Variants in TPCN1 observed in about 807,000 individuals in gnomAD.
The protein encoded by TPCN1 is two pore channel protein 1.
TPCN1 carries 52 observed loss-of-function variants against 108.8 expected under a neutral mutation model. The observed-to-expected ratio is 0.48, with a 90% CI of 0.38 to 0.60. TPCN1 has a LOEUF of 0.60. Ranked by LOEUF, TPCN1 falls within the 20% of genes least tolerant of loss-of-function variation. TPCN1 has a pLI of 0.00. For synonymous variants in TPCN1, 446 were observed against 433.7 expected (o/e 1.03, Z -0.35); for missense variants, 806 against 1,072.8 (o/e 0.75, Z 3.47).
In TPCN1 at chr12:113,293,332, T is replaced by C. The variant is rs1341780281; in HGVS notation, c.2317T>C (p.Tyr773His). The C allele has an allele frequency of 6.2e-7, 1 of 1,614,042 alleles. No individual in the cohort carries two copies. The highest frequency in any genetic ancestry group is 8.5e-7 in the Non-Finnish European group (1 of 1,180,020). The change falls in exon 27 of 28, where the codon TAC (tyrosine) becomes CAC (histidine). Residue 773 changes from tyrosine (Y) to histidine (H), a missense_variant. By Grantham distance (83) the Tyr-to-His change is moderately conservative (BLOSUM62 2). Coordinates refer to ENST00000335509, the MANE Select transcript of TPCN1 (RefSeq NM_017901.6). ...RTKSDLSLKM[Y>H]QEEIQEWYEE... is the part of the protein sequence containing the mutation. ...CAAGAGCGACCTGAGCCTGAAGATG[T>C]ACCAGGAGGAGATCCAGGTAGGAGC...
chr12:113,292,848 C>A, intron 25 of TPCN1, 86 bp from the exon 26 acceptor site: 1 of 1,477,718 alleles, frequency 6.8e-7, no homozygotes, highest in Non-Finnish European at 9.1e-7. Context: ...AGACCCCCTG[C>A]GGAAGGGGGC....
chr12:113,226,497 G>A (rs1381988063), intron 1 of TPCN1, among the ~76,000 whole-genome samples: 2 of 152,026 alleles, frequency 1.3e-5, no homozygotes, highest in Admixed American at 6.5e-5. Context: ...GGCCAGGCTG[G>A]TCTTGAACTC....
Position 113,244,427 on chromosome 12 carries a change from G to A in TPCN1, c.113-15941G>A, listed in dbSNP as rs374364528. The A allele has an allele frequency of 6.0e-4, 593 of 985,440 alleles. 11 individuals carry two copies. In the South Asian group the frequency reaches 0.025, roughly 41 times the overall value. 61.0% of individuals were successfully genotyped at this position (985,440 alleles called of 1,614,324 possible). A position where few individuals can be genotyped will look rare whatever the true frequency, so the allele number is the denominator to read the frequency against. On this transcript the variant is annotated intron_variant, in intron 2 of 27. Coordinates refer to ENST00000335509, the MANE Select transcript of TPCN1 (RefSeq NM_017901.6). ...TTTACTAACGTGTGTCAATAATGCG[G>A]GTCCACCTTCCATACCATCTTGCAA...
Position 113,296,235 on chromosome 12 carries a change from C to T in TPCN1, c.*159C>T. 8.3e-7 allele frequency: 1 copy of T among 1,202,686 alleles called. No individual in the cohort carries two copies. The highest frequency in any genetic ancestry group is 2.7e-5 in the Admixed American group (1 of 37,048). The allele number at this position is 1,202,686 out of a possible 1,614,324, so 74.5% of individuals were successfully genotyped here. A position where few individuals can be genotyped will look rare whatever the true frequency, so the allele number is the denominator to read the frequency against. ...CAAGATGGGGCTTGGTTTATAACCA[C>T]CTTGCCCTGTCTTCCTTAACTCCAG... is the stretch of plus-strand genomic sequence containing the variant. On this transcript the variant is annotated 3_prime_UTR_variant, in exon 28 of 28. Coordinates refer to ENST00000335509, the MANE Select transcript of TPCN1 (RefSeq NM_017901.6).
chr12:113,248,839 C>T (rs1233586264), intron 2 of TPCN1, among the ~76,000 whole-genome samples: 2 of 152,238 alleles, frequency 1.3e-5, no homozygotes, highest in East Asian at 1.9e-4. Context: ...CGCACACACA[C>T]GATAGAGGAT....
chr12:113,281,169 T>C (rs1216545533), intron 15 of TPCN1, among the ~76,000 whole-genome samples: 1 of 152,128 alleles, frequency 6.6e-6, no homozygotes, highest in African/African-American at 2.4e-5. Context: ...CTCACCTGAG[T>C]AGCTGGGATT....
At chr12:113,293,184 A>G in intron 26 of TPCN1, 85 bp from the exon 27 acceptor site, 2 of 1,604,626 alleles carry the variant, frequency 1.2e-6, no homozygotes, top group Non-Finnish European at 1.7e-6. Flanking sequence ...TGCAAAAGCC[A>G]GAGAAGTGGG....
At chr12:113,279,550 C>A (rs1426758018) in intron 14 of TPCN1, among the ~76,000 whole-genome samples, 4 of 150,446 alleles carry the variant, frequency 2.7e-5, no homozygotes, top group African/African-American at 9.8e-5. Flanking sequence ...AGGCATGTGC[C>A]ACCATGCCCG....
Position 113,286,039 on chromosome 12 carries a change from C to T in TPCN1, c.1526+78C>T, listed in dbSNP as rs548449917. On this transcript the variant is annotated intron_variant, in intron 18 of 27. Transcript: ENST00000335509. ...CAGACCCTTCTCTGCACACCCTGAT[C>T]CCGGGCCATTTCTGGAATCGCAGAG... 99 of 1,298,564 alleles carry T rather than the reference C, an allele frequency of 7.6e-5. 1 individual carries two copies. In the South Asian group the frequency reaches 1.1e-3, roughly 15 times the overall value. The allele number at this position is 1,298,564 out of a possible 1,614,324, so 80.4% of individuals were successfully genotyped here.
Position 113,295,948 on chromosome 12 carries a change from T to C in TPCN1, c.2335-12T>C. ...GTGCAGCCCTCAGCACCCCTTCTGC[T>C]CTCTTCTCCAGGAGTGGTATGAGGA... is the stretch of plus-strand genomic sequence containing the variant. On this transcript the variant is annotated splice_polypyrimidine_tract_variant and intron_variant, in intron 27 of 27. Coordinates refer to ENST00000335509, the MANE Select transcript of TPCN1 (RefSeq NM_017901.6). 1.3e-6 allele frequency: 2 copies of C among 1,582,480 alleles called. No homozygotes were observed. Among genetic ancestry groups the C allele is most frequent in the Non-Finnish European group, 1.7e-6 (2 of 1,164,878 alleles).
chr12:113,292,030 G>A, intron 25 of TPCN1, 72 bp downstream of exon 25: 1 of 1,355,768 alleles, frequency 7.4e-7, no homozygotes, highest in South Asian at 1.2e-5. Flanking sequence ...TGTCTGGGTG[G>A]CTGTCCAGCC....
rs569079960 is a variant in TPCN1 at position 113,269,015 on chromosome 12, G to T, written c.659+143G>T. 5 of 964,708 alleles carry T rather than the reference G, an allele frequency of 5.2e-6. 1 individual carries two copies. In the South Asian group the frequency reaches 7.7e-5, roughly 15 times the overall value. The allele number at this position is 964,708 out of a possible 1,614,324, so 59.8% of individuals were successfully genotyped here. ...GTACACGCAGACTCACTCTCCCTCT[G>T]CCATTCCATCCACGCACAGGAGAAA... On this transcript the variant is annotated intron_variant, in intron 6 of 27. Transcript: ENST00000335509. The surrounding 1 kb of genome is among the most constrained non-coding windows in gnomAD (Gnocchi z 5.0).
rs182303309 is a variant in TPCN1, at chr12:113,231,071, G to A, written c.112+4107G>A. On this transcript the variant is annotated intron_variant, in intron 2 of 27. Coordinates refer to ENST00000335509, the MANE Select transcript of TPCN1 (RefSeq NM_017901.6). This position sits in a 1 kb window ranked among gnomAD's most constrained non-coding sequence, Gnocchi z 4.3. ...GCAGGCCATCCGCGGAGTTGGCAAC[G>A]ACATGAGCATGGGCTACTGGGAACG... 4.6e-5 allele frequency among the ~76,000 whole-genome samples: 7 copies of A among 152,346 alleles called. No homozygotes were observed. Among genetic ancestry groups the A allele is most frequent in the African/African-American group, 9.6e-5 (4 of 41,576 alleles).
Position 113,269,844 on chromosome 12 carries a change from C to T in TPCN1, c.747C>T (p.Leu249=), listed in dbSNP as rs142428264. Residue 249 remains leucine (L), a splice_region_variant and synonymous_variant, in exon 7 of 28, where the codon CTC becomes CTT. Coordinates refer to ENST00000335509, the MANE Select transcript of TPCN1 (RefSeq NM_017901.6). This position sits in a 1 kb window ranked among gnomAD's most constrained non-coding sequence, Gnocchi z 5.0. The part of the protein sequence containing the change: ...LLFFMIIFAI[L]GFYLFSPNPS... The stretch of plus-strand genomic sequence containing the variant: ...TCTTCATGATCATCTTTGCCATCCT[C>T]GGTGAGTTCCCGCCTCTCAGGCCCA... 1.8e-4 allele frequency: 283 copies of T among 1,613,756 alleles called. No individual in the cohort carries two copies. The highest frequency in any genetic ancestry group is 8.3e-4 in the Middle Eastern group (5 of 6,060).
intron 2 of TPCN1, among the ~76,000 whole-genome samples, chr12:113,242,000 AAAG>A (rs1954157276): frequency 6.6e-6 from 1 of 152,140 alleles, no homozygotes; most frequent in African/African-American, 2.4e-5. Flanking sequence ...TTCATGGACT[AAAG>A]AAGAAGTCAT....
At position 113,231,140 on chromosome 12, in the gene TPCN1, G is replaced by A. The variant is rs1045888310; in HGVS notation, c.112+4176G>A. On this transcript the variant is annotated intron_variant, in intron 2 of 27. Coordinates refer to ENST00000335509, the MANE Select transcript of TPCN1 (RefSeq NM_017901.6). The surrounding 1 kb of genome is among the most constrained non-coding windows in gnomAD (Gnocchi z 4.3). Reference sequence around the variant, plus strand: ...TGAGTCACCATCAAGCCTGGCCTTTGTTTTGGCCCAGCAGCCGCTGAGGCC... The same window carrying A: ...TGAGTCACCATCAAGCCTGGCCTTTATTTTGGCCCAGCAGCCGCTGAGGCC... Among the ~76,000 whole-genome samples, 1 of 152,228 alleles carries A rather than the reference G, an allele frequency of 6.6e-6. No individual in the cohort carries two copies. The highest frequency in any genetic ancestry group is 2.4e-5 in the African/African-American group (1 of 41,446).
rs1259979216 is a variant in TPCN1, at chr12:113,232,321, A to G, written c.112+5357A>G. Among the ~76,000 whole-genome samples the G allele has an allele frequency of 2.0e-5, 3 of 152,204 alleles. No individual in the cohort carries two copies. The highest frequency in any genetic ancestry group is 6.5e-5 in the Admixed American group (1 of 15,284). The stretch of plus-strand genomic sequence containing the variant: ...TCCCTGCCCCCTGGCAGGGGCCCCC[A>G]TGTGGCACCCTGGTCCCCTTTTCAG... On this transcript the variant is annotated intron_variant, in intron 2 of 27. Transcript: ENST00000335509. The surrounding 1 kb of genome is among the most constrained non-coding windows in gnomAD (Gnocchi z 5.6).
Position 113,268,687 on chromosome 12 carries a change from C to T in TPCN1, c.529-55C>T. 1 of 1,601,122 alleles carries T rather than the reference C, an allele frequency of 6.2e-7. No homozygotes were observed. On this transcript the variant is annotated intron_variant, in intron 5 of 27. Coordinates refer to ENST00000335509, the MANE Select transcript of TPCN1 (RefSeq NM_017901.6). This position sits in a 1 kb window ranked among gnomAD's most constrained non-coding sequence, Gnocchi z 7.3. ...TCTCCAGCCCCCCGTTCCAGGTATG[C>T]AGGATGACGGCTGGGCTGCAGGGGC...
At position 113,269,789 on chromosome 12, in the gene TPCN1, C is replaced by G. The variant is rs746461632; in HGVS notation, c.692C>G (p.Pro231Arg). The part of the protein sequence containing the change: ...NLRQIFQSLP[P>R]FMDILLLLLF... ...CGGCAGATCTTCCAGTCCCTGCCGCCCTTCATGGACATCCTCCTGCTGCTG... is the reference window on the plus strand; with the variant it reads ...CGGCAGATCTTCCAGTCCCTGCCGCGCTTCATGGACATCCTCCTGCTGCTG... The change falls in exon 7 of 28, where the codon CCC becomes CGC. Residue 231 changes from proline to arginine, a missense_variant. Physicochemically the swap from Pro to Arg is moderately radical, Grantham distance 103. Coordinates refer to ENST00000335509, the MANE Select transcript of TPCN1 (RefSeq NM_017901.6). This position sits in a 1 kb window ranked among gnomAD's most constrained non-coding sequence, Gnocchi z 5.0. 1.9e-6 allele frequency: 3 copies of G among 1,613,932 alleles called. No homozygotes were observed. The South Asian group carries it at 3.3e-5, about 18-fold the overall frequency.
Sources: allele counts gnomAD v4.1 joint callset (sites outside exome capture counted in the v4.1 genomes callset), GRCh38; gene constraint gnomAD v4.1.1; non-coding constraint Gnocchi (gnomAD v3.1); transcripts MANE v1.5; gene names NCBI Gene and HGNC (gene_info 2026-07-23, HGNC 2026-07-21).